The following MACF1 variants were observed in gnomAD, a reference collection of about 807,000 sequenced individuals.
MACF1 encodes the protein microtubule actin crosslinking factor 1.
A neutral mutation model predicts 854.8 loss-of-function variants in MACF1; 193 were observed. That is an observed-to-expected ratio of 0.23 (90% CI 0.20 to 0.25). The LOEUF (loss-of-function observed/expected upper bound fraction) is 0.25. MACF1 is among the 10% of genes least tolerant of loss of function. The pLI, the probability that MACF1 is intolerant of heterozygous loss-of-function variation, is 1.00. For missense variants in MACF1, 7,722 were observed against 8,929.1 expected, an observed-to-expected ratio of 0.86 and a Z score of 5.45; for synonymous variants, 3,185 against 3,226.7, an observed-to-expected ratio of 0.99 and a Z score of 0.44.
chr1:39,340,648 T>C lies in MACF1; in HGVS notation c.10362T>C (p.Ser3454=). 1 of 1,614,186 alleles carries C rather than the reference T, an allele frequency of 6.2e-7. No individual in the cohort carries two copies. Among genetic ancestry groups the C allele is most frequent in the Non-Finnish European group, 8.5e-7 (1 of 1,180,016 alleles). The change falls in exon 39 of 101, where the codon TCT becomes TCC. Residue 3454 remains serine (S), a synonymous_variant. Transcript: ENST00000564288. The part of the protein sequence containing the change: ...LEKDAKNLQK[S]LSSVSDTWNS... ...AAGATGCCAAGAATCTTCAGAAGTC[T>C]CTCAGCTCTGTGAGTGACACTTGGA...
intron 2 of MACF1, among the ~76,000 whole-genome samples, chr1:39,199,020 C>T (rs999458339): frequency 6.6e-6 from 1 of 152,016 alleles, no homozygotes; most frequent in African/African-American, 2.4e-5. Flanking sequence ...GAGTCTCGCT[C>T]TGTCGCCCAG....
At chr1:39,096,499 A>T (rs1337757309) in intron 2 of MACF1, among the ~76,000 whole-genome samples, 1 of 151,640 alleles carries the variant, frequency 6.6e-6, no homozygotes, top group Non-Finnish European at 1.5e-5. Flanking sequence ...CTGAGGCAGG[A>T]GAATCACTTG....
intron 2 of MACF1, chr1:39,103,152 A>G (rs970603272): frequency 2.4e-6 from 1 of 422,460 alleles, no homozygotes; most frequent in African/African-American, 2.0e-5. Context: ...CTTAAAAGGA[A>G]TCTCAACCCC....
At chr1:39,399,786 A>G (rs12076554) in intron 58 of MACF1, among the ~76,000 whole-genome samples, 4,784 of 152,248 alleles carry the variant, frequency 0.031, 238 homozygotes, top group African/African-American at 0.11. Flanking sequence ...ACATTTTCTG[A>G]TTATATCCAT....
chr1:39,208,892 G>C (rs1453786684), intron 1 of MACF1, among the ~76,000 whole-genome samples: 1 of 151,826 alleles, frequency 6.6e-6, no homozygotes, highest in Non-Finnish European at 1.5e-5. Context: ...CAAAGTGCTG[G>C]GATTACAGGC....
chr1:39,228,008 T>C (rs761430391), intron 1 of MACF1, among the ~76,000 whole-genome samples: 5 of 152,182 alleles, frequency 3.3e-5, no homozygotes, highest in Non-Finnish European at 5.9e-5. Context: ...CAACCTGTTT[T>C]GAAGTTGTTT....
chr1:39,479,607 A>G (rs374716805), intron 97 of MACF1, among the ~76,000 whole-genome samples, 191 bp from the exon 98 acceptor site: 1 of 152,192 alleles, frequency 6.6e-6, no homozygotes, highest in Admixed American at 6.5e-5. Context: ...CAGTTAACAT[A>G]TCTGCTATGG....
intron 58 of MACF1, among the ~76,000 whole-genome samples, chr1:39,398,899 G>A (rs959852941): frequency 6.6e-6 from 1 of 152,200 alleles, no homozygotes; most frequent in Non-Finnish European, 1.5e-5. Flanking sequence ...CCTTGCACCA[G>A]CTGGGAGTAC....
chr1:39,454,953 C>T lies in MACF1; in HGVS notation c.20931C>T (p.Ala6977=), dbSNP rs1644407709. 6.2e-7 allele frequency: 1 copy of T among 1,614,168 alleles called. No individual in the cohort carries two copies. The highest frequency in any genetic ancestry group is 1.1e-5 in the South Asian group (1 of 91,086). The change falls in exon 89 of 101, where the codon GCC becomes GCT. Residue 6977 remains alanine (A), a synonymous_variant. Coordinates refer to ENST00000564288, the MANE Select transcript of MACF1 (RefSeq NM_001394062.1). The part of the protein sequence containing the change: ...AKQHQQRLET[A]LSELVANAEL... Reference sequence around the variant, plus strand: ...AGCACCAGCAGCGTCTTGAAACGGCCTTGTCAGAACTGGTGGCTAATGCTG... The same window carrying T: ...AGCACCAGCAGCGTCTTGAAACGGCTTTGTCAGAACTGGTGGCTAATGCTG...
At position 39,335,687 on chromosome 1, in the gene MACF1, G is replaced by A. The variant is rs1368020675; in HGVS notation, c.9099G>A (p.Met3033Ile). ...SEKGKEADTE[M>I]GFSITFKIEE... ...AAGGGAAAGAAGCTGATACAGAAAT[G>A]GGATTTTCTATTACTTTTAAAATTG... The change falls in exon 37 of 101, where the codon ATG becomes ATA. Residue 3033 changes from methionine (M) to isoleucine (I), a missense_variant. Met to Ile is a conservative substitution (Grantham distance 10). Coordinates refer to ENST00000564288, the MANE Select transcript of MACF1 (RefSeq NM_001394062.1). The A allele has an allele frequency of 6.2e-7, 1 of 1,613,540 alleles. No homozygotes were observed. The highest frequency in any genetic ancestry group is 1.7e-5 in the Admixed American group (1 of 59,886).
Position 39,084,572 on chromosome 1 carries a change from T to C in MACF1, c.220+134T>C, listed in dbSNP as rs546033975. 112 of 742,056 alleles carry C rather than the reference T, an allele frequency of 1.5e-4. 1 individual carries two copies. In the South Asian group the frequency reaches 2.0e-3, roughly 13 times the overall value. 46.0% of individuals were successfully genotyped at this position (742,056 alleles called of 1,614,324 possible). A position where few individuals can be genotyped will look rare whatever the true frequency, so the allele number is the denominator to read the frequency against. ...AAGCAGCCATCATCTGATTTGTTAT[T>C]ATTATTCTTGGAAAGACGTTGAAAT... On this transcript the variant is annotated intron_variant, in intron 2 of 93. Transcript: ENST00000361689. This position sits in a 1 kb window ranked among gnomAD's most constrained non-coding sequence, Gnocchi z 5.2.
chr1:39,473,627 A>G (rs1644819692), intron 97 of MACF1, among the ~76,000 whole-genome samples: 1 of 152,216 alleles, frequency 6.6e-6, no homozygotes, highest in African/African-American at 2.4e-5. Flanking sequence ...ATCCCCGTGA[A>G]ATAATGAGCA....
chr1:39,348,456 A>G (rs541354731), intron 41 of MACF1, among the ~76,000 whole-genome samples: 3 of 152,218 alleles, frequency 2.0e-5, no homozygotes, highest in Non-Finnish European at 2.9e-5. Context: ...GCTTCTCTCA[A>G]TATTTGCCTT....
chr1:39,165,271 A>G (rs1372796110), intron 2 of MACF1, among the ~76,000 whole-genome samples: 4 of 152,198 alleles, frequency 2.6e-5, no homozygotes. Context: ...TCTCCACTGC[A>G]GGGAATCTGG....
At chr1:39,319,577 G>T in intron 30 of MACF1, 87 bp from the exon 31 acceptor site, 1 of 916,342 alleles carries the variant, frequency 1.1e-6, no homozygotes, top group Admixed American at 2.1e-5. Context: ...CTAAGGTTTG[G>T]AAACTACTGC....
At chr1:39,195,045 A>G (rs543726279) in intron 2 of MACF1, among the ~76,000 whole-genome samples, 1 of 152,316 alleles carries the variant, frequency 6.6e-6, no homozygotes, top group African/African-American at 2.4e-5. Context: ...GCTCCAAGGA[A>G]AAGCAAAACT....
intron 2 of MACF1, among the ~76,000 whole-genome samples, chr1:39,086,233 C>T (rs897058511): frequency 2.0e-5 from 3 of 152,156 alleles, no homozygotes; most frequent in African/African-American, 7.2e-5. Flanking sequence ...AGACTGTGAT[C>T]CAGAAACAGG....
rs370430599 is a variant in MACF1, at chr1:39,357,871, G to C, written c.11921G>C (p.Arg3974Thr). The change falls in exon 45 of 101, where the codon AGA becomes ACA. Residue 3974 changes from arginine to threonine, a missense_variant. Physicochemically the swap from Arg to Thr is moderately conservative, Grantham distance 71 (BLOSUM62 -1). Coordinates refer to ENST00000564288, the MANE Select transcript of MACF1 (RefSeq NM_001394062.1). ...GACAAGTTGAAGGATGCAACAGAAA[G>C]ATACACTGCTCTCCACTCAAAGGTA... ...VKDKLKDATE[R>T]YTALHSKCTR... 3 of 1,613,030 alleles carry C rather than the reference G, an allele frequency of 1.9e-6. No individual in the cohort carries two copies. Among genetic ancestry groups the C allele is most frequent in the Middle Eastern group, 1.7e-4 (1 of 6,050 alleles).
chr1:39,473,230 T>C (rs1360193174), intron 97 of MACF1, among the ~76,000 whole-genome samples: 1 of 152,202 alleles, frequency 6.6e-6, no homozygotes, highest in African/African-American at 2.4e-5. Flanking sequence ...TCAGCAGTCA[T>C]TTAATGAGGC....
Sources: gnomAD v4.1 joint callset for allele counts (sites outside exome capture counted in the v4.1 genomes callset) on GRCh38, gnomAD v4.1.1 for gene constraint, Gnocchi (gnomAD v3.1) non-coding constraint, MANE v1.5 for transcripts, NCBI Gene and HGNC (gene_info 2026-07-23, HGNC 2026-07-21) for gene names.